CENPA: variants seen among roughly 807,000 people sequenced by gnomAD.
The protein encoded by CENPA is centromere protein A.
Under a neutral mutation model 17.2 loss-of-function variants are expected in CENPA, and 7 were observed. That is an observed-to-expected ratio of 0.41 (90% CI 0.23 to 0.76). The LOEUF is 0.76. CENPA is among the 30% of genes least tolerant of loss of function. The pLI, the probability that CENPA is intolerant of heterozygous loss-of-function variation, is 0.34. For missense variants in CENPA, 149 were observed against 193.1 expected (o/e 0.77, Z 1.35); for synonymous variants, 82 against 77.4 (o/e 1.06, Z -0.31).
chr2:26,793,851 A>G lies in CENPA; in HGVS notation c.*87A>G, dbSNP rs1001568258. On this transcript the variant is annotated 3_prime_UTR_variant, in exon 5 of 5. Transcript: ENST00000335756. ...ACTCTCCAGAGCCATGACTAGATCC[A>G]ATGGATTCTGCGATGCTGTCTGGAC... 2 of 152,506 alleles carry G rather than the reference A, an allele frequency of 1.3e-5. No homozygotes were observed. The highest frequency in any genetic ancestry group is 4.8e-5 in the African/African-American group (2 of 41,474). 9.4% of individuals were successfully genotyped at this position (152,506 alleles called of 1,614,324 possible).
chr2:26,793,436 T>C (rs1664657331), intron 4 of CENPA, 110 bp downstream of exon 4: 2 of 937,462 alleles, frequency 2.1e-6, no homozygotes, highest in African/African-American at 3.3e-5. Flanking sequence ...TAGTAAAGGT[T>C]GATCTAGTTT....
intron 1 of CENPA, among the ~76,000 whole-genome samples, chr2:26,791,003 G>A (rs1392500267): frequency 6.6e-6 from 1 of 152,188 alleles, no homozygotes; most frequent in African/African-American, 2.4e-5. Context: ...TGTTATTTTT[G>A]TATTTTGTTT....
intron 1 of CENPA, among the ~76,000 whole-genome samples, chr2:26,790,451 C>G (rs1664594653): frequency 6.6e-6 from 1 of 152,138 alleles, no homozygotes; most frequent in Non-Finnish European, 1.5e-5. Flanking sequence ...CTCAGCCTCC[C>G]AAGTAGCTGG....
intron 1 of CENPA, 91 bp from the exon 2 acceptor site, chr2:26,792,034 CACATAG>C: frequency 1.0e-6 from 1 of 965,312 alleles, no homozygotes; most frequent in Non-Finnish European, 1.6e-6. Context: ...GGAGGGTAGG[CACATAG>C]ATATAGTCTA....
chr2:26,792,555 T>A (rs1375831027), intron 2 of CENPA: 14 of 717,234 alleles, frequency 2.0e-5, no homozygotes. Context: ...ACTGGTGATT[T>A]CCCCATCACC....
At chr2:26,786,640 A>G (rs1664513348) in intron 1 of CENPA, among the ~76,000 whole-genome samples, 1 of 152,272 alleles carries the variant, frequency 6.6e-6, no homozygotes, top group Admixed American at 6.5e-5. Flanking sequence ...GCTAATGAGA[A>G]AGCCGAGGCA....
intron 1 of CENPA, among the ~76,000 whole-genome samples, chr2:26,790,464 T>A (rs1334453020): frequency 6.6e-6 from 1 of 152,142 alleles, no homozygotes; most frequent in Non-Finnish European, 1.5e-5. Flanking sequence ...GTAGCTGGGA[T>A]TACAGGTGCC....
chr2:26,788,457 G>A (rs1291856235), intron 1 of CENPA, among the ~76,000 whole-genome samples: 2 of 150,940 alleles, frequency 1.3e-5, no homozygotes, highest in Admixed American at 6.6e-5. Flanking sequence ...CTCCCTCCTC[G>A]ACTTCCTACA....
At chr2:26,787,558 C>G (rs1321170525) in intron 1 of CENPA, among the ~76,000 whole-genome samples, 3 of 151,806 alleles carry the variant, frequency 2.0e-5, no homozygotes, top group Non-Finnish European at 2.9e-5. Flanking sequence ...ACCCATCGCC[C>G]AGGTTGGAGT....
At chr2:26,790,616 G>A (rs1318337361) in intron 1 of CENPA, among the ~76,000 whole-genome samples, 1 of 152,176 alleles carries the variant, frequency 6.6e-6, no homozygotes, top group South Asian at 2.1e-4. Flanking sequence ...GTGAGCCACC[G>A]CACCCAGCCC....
At chr2:26,789,970 G>A (rs975027038) in intron 1 of CENPA, among the ~76,000 whole-genome samples, 1 of 152,106 alleles carries the variant, frequency 6.6e-6, no homozygotes, top group Non-Finnish European at 1.5e-5. Context: ...TATTACAGTA[G>A]GATTAAATTC....
At chr2:26,790,898 T>G (rs1461464405) in intron 1 of CENPA, among the ~76,000 whole-genome samples, 1 of 152,268 alleles carries the variant, frequency 6.6e-6, no homozygotes, top group African/African-American at 2.4e-5. Context: ...GTGATTAGTT[T>G]ATTGTATTAA....
chr2:26,787,783 C>A (rs1664539993), intron 1 of CENPA, among the ~76,000 whole-genome samples: 1 of 152,094 alleles, frequency 6.6e-6, no homozygotes, highest in African/African-American at 2.4e-5. Context: ...TTTTCTTTCC[C>A]AAAACACGAG....
In CENPA at chr2:26,793,084, C is replaced by G. The variant is rs1264641474; in HGVS notation, c.289-61C>G. On this transcript the variant is annotated intron_variant, in intron 3 of 4. Coordinates refer to ENST00000335756, the MANE Select transcript of CENPA (RefSeq NM_001809.4). ...CTCAGAGATTAAGTTTAGCAGGTTT[C>G]CAAAAAAAAGCAGCCCGTGGCCCTT... is the stretch of plus-strand genomic sequence containing the variant. 1.9e-6 allele frequency: 3 copies of G among 1,598,950 alleles called. No homozygotes were observed. The African/African-American group carries it at 4.0e-5, about 22-fold the overall frequency.
chr2:26,792,541 A>C, intron 2 of CENPA: 1 of 715,548 alleles, frequency 1.4e-6, no homozygotes. Context: ...CTCATCACCC[A>C]ATTACTGGTG....
Position 26,786,247 on chromosome 2 carries a change from C to G in CENPA, c.51C>G (p.Ser17Arg). The stretch of plus-strand genomic sequence containing the variant: ...AGCCCGAGGCCCCGAGGAGGCGCAG[C>G]CCGAGCCCGACCCCGACCCCCGGCC... ...SRKPEAPRRR[S>R]PSPTPTPGPS... is the part of the protein sequence containing the mutation. The change falls in exon 1 of 5, where the codon AGC becomes AGG. Residue 17 changes from serine to arginine, a missense_variant. Ser to Arg is a moderately radical substitution (Grantham distance 110, BLOSUM62 -1). Around this residue, in one of 2 missense-constraint regions of CENPA, gnomAD observed 95 missense variants for 87.5 expected, o/e 1.09. Transcript: ENST00000335756. 1.4e-6 allele frequency: 2 copies of G among 1,390,652 alleles called. No individual in the cohort carries two copies. Among genetic ancestry groups the G allele is most frequent in the Non-Finnish European group, 1.9e-6 (2 of 1,080,044 alleles). 86.1% of individuals were successfully genotyped at this position (1,390,652 alleles called of 1,614,324 possible).
chr2:26,790,962 A>G (rs1332139746), intron 1 of CENPA, among the ~76,000 whole-genome samples: 1 of 152,252 alleles, frequency 6.6e-6, no homozygotes, highest in Admixed American at 6.5e-5. Context: ...GATCCTGAAT[A>G]ACATTTCTGA....
intron 1 of CENPA, among the ~76,000 whole-genome samples, chr2:26,787,459 C>T: frequency 6.6e-6 from 1 of 152,042 alleles, no homozygotes; most frequent in South Asian, 2.1e-4. Flanking sequence ...TCGTGATCCG[C>T]CCACCTCGGT....
At chr2:26,789,715 C>T (rs1008350645) in intron 1 of CENPA, among the ~76,000 whole-genome samples, 2 of 152,118 alleles carry the variant, frequency 1.3e-5, no homozygotes, top group Non-Finnish European at 2.9e-5. Flanking sequence ...GGGAGACCCC[C>T]GTCTCCAATA....
Sources: allele counts gnomAD v4.1 joint callset (sites outside exome capture counted in the v4.1 genomes callset), GRCh38; gene constraint gnomAD v4.1.1; regional missense constraint gnomAD v4.1.1; transcripts MANE v1.5; gene names NCBI Gene and HGNC (gene_info 2026-07-23, HGNC 2026-07-21).